CCDC15: variants seen among roughly 807,000 people sequenced by gnomAD.
CCDC15 encodes coiled-coil domain-containing protein 15.
Under a neutral mutation model 114.5 loss-of-function variants are expected in CCDC15, and 105 were observed. That is an observed-to-expected ratio of 0.92 (90% CI 0.78 to 1.08). CCDC15 has a LOEUF of 1.08. CCDC15 is among the 50% of genes least tolerant of loss of function. The pLI, the probability that CCDC15 is intolerant of heterozygous loss-of-function variation, is 0.00. For synonymous variants in CCDC15, 334 were observed against 377.8 expected (o/e 0.88, Z 1.34); for missense variants, 1,105 against 1,093.6 (o/e 1.01, Z -0.15).
At chr11:124,971,385 C>T (rs1456045674) in intron 4 of CCDC15, among the ~76,000 whole-genome samples, 2 of 152,184 alleles carry the variant, frequency 1.3e-5, no homozygotes, top group Non-Finnish European at 2.9e-5. Context: ...TCCAAAGGGT[C>T]ACAGCTCCTC....
intron 4 of CCDC15, among the ~76,000 whole-genome samples, chr11:124,964,583 C>G (rs1417694595): frequency 6.6e-6 from 1 of 152,188 alleles, no homozygotes. Context: ...ATGTCATCTG[C>G]AAACAGGGAC....
chr11:124,984,246 G>T (rs140319101), intron 6 of CCDC15, among the ~76,000 whole-genome samples: 7 of 152,134 alleles, frequency 4.6e-5, no homozygotes, highest in South Asian at 2.1e-4. Flanking sequence ...AGGACGCAGT[G>T]GGGGAAGGGC....
intron 13 of CCDC15, among the ~76,000 whole-genome samples, chr11:125,022,411 A>G (rs778729042): frequency 3.9e-5 from 6 of 152,014 alleles, no homozygotes; most frequent in Admixed American, 2.6e-4. Context: ...TACTCAATTT[A>G]GATTTACAGT....
At chr11:124,984,022 G>C (rs1449357864) in intron 6 of CCDC15, among the ~76,000 whole-genome samples, 1 of 152,116 alleles carries the variant, frequency 6.6e-6, no homozygotes, top group African/African-American at 2.4e-5. Flanking sequence ...TGCAGGGCAG[G>C]GGGTAGGGCT....
chr11:125,016,416 A>T (rs1948629830), intron 13 of CCDC15, among the ~76,000 whole-genome samples: 2 of 152,174 alleles, frequency 1.3e-5, no homozygotes, highest in East Asian at 1.9e-4. Context: ...AAAAATCTTT[A>T]TCAAGTTGTC....
At position 124,975,182 on chromosome 11, in the gene CCDC15, T is replaced by C. The variant is rs1947953854; in HGVS notation, c.603T>C (p.Asp201=). 8.1e-6 allele frequency: 13 copies of C among 1,595,200 alleles called. No homozygotes were observed. The highest frequency in any genetic ancestry group is 1.1e-5 in the Non-Finnish European group (13 of 1,172,816). ...AAAAGGGATCAGTGTTTCCAGATGA[T>C]GGAAGGAAAAGCTTTCTTACCAGAG... ...IKKKGSVFPD[D]GRKSFLTREE... Residue 201 remains aspartate (D), a synonymous_variant, in exon 5 of 16, where the codon GAT becomes GAC. Coordinates refer to ENST00000344762, the MANE Select transcript of CCDC15 (RefSeq NM_025004.3).
intron 13 of CCDC15, among the ~76,000 whole-genome samples, chr11:125,029,534 A>T (rs909329204): frequency 3.3e-5 from 5 of 152,248 alleles, no homozygotes; most frequent in African/African-American, 1.2e-4. Flanking sequence ...TAAAATGAAG[A>T]TATTTTCTTA....
intron 13 of CCDC15, among the ~76,000 whole-genome samples, chr11:125,022,752 G>T (rs1287525993): frequency 6.6e-6 from 1 of 151,864 alleles, no homozygotes; most frequent in Non-Finnish European, 1.5e-5. Flanking sequence ...GTATGAACTG[G>T]CCTCATACTA....
intron 4 of CCDC15, among the ~76,000 whole-genome samples, chr11:124,967,135 A>G (rs888190121): frequency 2.0e-5 from 3 of 151,988 alleles, no homozygotes; most frequent in African/African-American, 7.3e-5. Flanking sequence ...CTTCTCGAGG[A>G]GTATCTTTGT....
chr11:124,958,950 TA>T (rs1469086715), intron 2 of CCDC15, among the ~76,000 whole-genome samples, 164 bp from the exon 3 acceptor site: 1 of 152,206 alleles, frequency 6.6e-6, no homozygotes, highest in African/African-American at 2.4e-5. Flanking sequence ...TCTAATTCAA[TA>T]AAAAATTTAA....
At chr11:125,025,335 A>G (rs947181604) in intron 13 of CCDC15, among the ~76,000 whole-genome samples, 16 of 151,316 alleles carry the variant, frequency 1.1e-4, no homozygotes, top group African/African-American at 3.9e-4. Flanking sequence ...TTTTATGTCT[A>G]TGTTCTGAGA....
chr11:124,955,023 C>A, intron 2 of CCDC15, 114 bp downstream of exon 2: 1 of 933,032 alleles, frequency 1.1e-6, no homozygotes, highest in Non-Finnish European at 1.6e-6. Context: ...TTCTATTCTG[C>A]CATAAATAGT....
At chr11:124,966,994 C>T (rs1193743879) in intron 4 of CCDC15, among the ~76,000 whole-genome samples, 1 of 152,188 alleles carries the variant, frequency 6.6e-6, no homozygotes, top group Non-Finnish European at 1.5e-5. Flanking sequence ...TGTAGAGTTT[C>T]TGCCGAGAGA....
intron 6 of CCDC15, among the ~76,000 whole-genome samples, chr11:124,985,142 A>G (rs1165051644): frequency 6.6e-6 from 1 of 152,152 alleles, no homozygotes; most frequent in Admixed American, 6.5e-5. Flanking sequence ...TCTTTGCATA[A>G]TGTTTTAAAG....
At chr11:125,025,091 T>C (rs1362051126) in intron 13 of CCDC15, among the ~76,000 whole-genome samples, 1 of 130,078 alleles carries the variant, frequency 7.7e-6, no homozygotes, top group African/African-American at 3.4e-5. Context: ...TATGAATATA[T>C]ATATGAATAT....
At chr11:124,968,065 C>T (rs750082186) in intron 4 of CCDC15, among the ~76,000 whole-genome samples, 5 of 152,140 alleles carry the variant, frequency 3.3e-5, no homozygotes, top group Non-Finnish European at 7.4e-5. Context: ...AGGTGTCAGT[C>T]GGTCCCTACT....
At chr11:124,992,332 C>T (rs1948284317) in intron 9 of CCDC15, among the ~76,000 whole-genome samples, 2 of 152,168 alleles carry the variant, frequency 1.3e-5, no homozygotes, top group Admixed American at 1.3e-4. Context: ...CCTACATGTA[C>T]AATGTAGGAA....
intron 4 of CCDC15, among the ~76,000 whole-genome samples, chr11:124,961,172 T>C (rs1423677780): frequency 1.3e-5 from 2 of 152,234 alleles, no homozygotes; most frequent in East Asian, 3.9e-4. Context: ...ACACAGTCCT[T>C]GCTTTCGTGG....
rs184477211 is a variant in CCDC15 at position 124,965,335 on chromosome 11, T to C, written c.516+5332T>C. On this transcript the variant is annotated intron_variant, in intron 4 of 15. Coordinates refer to ENST00000344762, the MANE Select transcript of CCDC15 (RefSeq NM_025004.3). ...AATTTCAGAGCCTGTTATTGGTCTG[T>C]GCAAGGATTCAACTTCTTCCTGGTT... Among the ~76,000 whole-genome samples the C allele has an allele frequency of 1.5e-3, 223 of 152,366 alleles. 2 individuals are homozygous for C. Among genetic ancestry groups the C allele is most frequent in the Admixed American group, 0.011 (168 of 15,300 alleles).
Sources: gnomAD v4.1 joint callset for allele counts (sites outside exome capture counted in the v4.1 genomes callset) on GRCh38, gnomAD v4.1.1 for gene constraint, MANE v1.5 for transcripts, NCBI Gene and HGNC (gene_info 2026-07-23, HGNC 2026-07-21) for gene names.